The following PODNL1 variants were observed in gnomAD, a reference collection of about 807,000 sequenced individuals.
PODNL1 encodes podocan like 1, also known as podocan-like protein 1.
PODNL1 carries 50 observed loss-of-function variants against 45.1 expected under a neutral mutation model. That is an observed-to-expected ratio of 1.11 (90% CI 0.88 to 1.40). The LOEUF (loss-of-function observed/expected upper bound fraction) is 1.40, where lower values mean the gene tolerates loss of function less well. PODNL1 is among the 40% of genes most tolerant of loss of function. PODNL1 has a pLI of 0.00. For missense variants in PODNL1, 788 were observed against 793.3 expected (o/e 0.99, Z 0.08); for synonymous variants, 406 against 372.5 (o/e 1.09, Z -1.04).
rs1432459708 is a variant in PODNL1, at chr19:13,936,397, T to G, written c.289A>C (p.Asn97His). 1.9e-6 allele frequency: 3 copies of G among 1,613,342 alleles called. No homozygotes were observed. In the African/African-American group the frequency reaches 4.0e-5, roughly 22 times the overall value. Residue 97 changes from asparagine to histidine, a missense_variant, in exon 3 of 10, where the codon AAC (asparagine) becomes CAC (histidine). Transcript: ENST00000588872. ...GAGGAGATGAGGTTGTTGTGGAGGT[T>G]GAGGGTTCGCAGGCCACTGAGGCGG... ...LSRLSGLRTL[N>H]LHNNLISSEG... is the part of the protein sequence containing the mutation.
chr19:13,935,467 C>T (rs1972279749), intron 5 of PODNL1, among the ~76,000 whole-genome samples: 1 of 152,134 alleles, frequency 6.6e-6, no homozygotes, highest in African/African-American at 2.4e-5. Context: ...GCGGGGATTA[C>T]AGGCGCACAC....
At chr19:13,944,461 C>T (rs1972753970) in intron 1 of PODNL1, among the ~76,000 whole-genome samples, 1 of 149,542 alleles carries the variant, frequency 6.7e-6, no homozygotes, top group African/African-American at 2.5e-5. Context: ...CCACACCTGG[C>T]CCTATTTGTT....
chr19:13,953,115 G>T (rs367921705), intron 1 of PODNL1: 4 of 1,550,402 alleles, frequency 2.6e-6, no homozygotes, highest in Non-Finnish European at 3.5e-6. Flanking sequence ...GGGAGTTCCA[G>T]TACCTGGGTG....
intron 1 of PODNL1, chr19:13,952,522 A>G (rs961356001): frequency 4.0e-6 from 5 of 1,250,322 alleles, no homozygotes; most frequent in Non-Finnish European, 1.0e-6. Flanking sequence ...AATGGCGCCC[A>G]GCTCGAAATC....
intron 1 of PODNL1, among the ~76,000 whole-genome samples, chr19:13,951,823 C>A (rs376530843): frequency 2.0e-5 from 3 of 152,194 alleles, no homozygotes; most frequent in East Asian, 3.9e-4. Flanking sequence ...ACGGAGCGGA[C>A]CTTCAACAAT....
In PODNL1 at chr19:13,933,597, G is replaced by A. The variant is rs1039212999; in HGVS notation, c.768-142C>T. ...GGGAGTGATGCGTGGAGAGAGCTGG[G>A]TGGGAGGTAAACTTGGGGTGCCCAG... On this transcript the variant is annotated intron_variant, in intron 7 of 9. Coordinates refer to ENST00000588872, the MANE Select transcript of PODNL1 (RefSeq NM_001370095.3). This position sits in a 1 kb window ranked among gnomAD's most constrained non-coding sequence, Gnocchi z 5.2. The A allele has an allele frequency of 4.0e-6, 4 of 1,001,862 alleles. No individual in the cohort carries two copies. In the African/African-American group the frequency reaches 6.5e-5, roughly 16 times the overall value. 62.1% of individuals were successfully genotyped at this position (1,001,862 alleles called of 1,614,324 possible). A position where few individuals can be genotyped will look rare whatever the true frequency, so the allele number is the denominator to read the frequency against.
At chr19:13,948,656 T>G (rs1599452386) in intron 1 of PODNL1, among the ~76,000 whole-genome samples, 1 of 140,782 alleles carries the variant, frequency 7.1e-6, no homozygotes, top group Non-Finnish European at 1.5e-5. Flanking sequence ...CCTGGCCGGG[T>G]GTGGTGGCTC....
rs367662482 is a variant in PODNL1, at chr19:13,934,400, G to T, written c.505C>A (p.Leu169Ile). Residue 169 changes from leucine (L) to isoleucine (I), a missense_variant, in exon 6 of 10, where the codon CTC becomes ATC. Leu to Ile is a conservative substitution (Grantham distance 5). Transcript: ENST00000588872. ...GEKPALRSVYLHNNQLSNAGL... is the reference protein window; with the variant it reads ...GEKPALRSVYIHNNQLSNAGL... ...GCGTTGCTCAGCTGGTTGTTGTGGA[G>T]GTACACGGACCTGAGGAGAGCCAGG... 16 of 1,540,114 alleles carry T rather than the reference G, an allele frequency of 1.0e-5. No homozygotes were observed. In the African/African-American group the frequency reaches 1.8e-4, roughly 17 times the overall value.
At position 13,931,413 on chromosome 19, in the gene PODNL1, C is replaced by G; in HGVS notation, c.*324G>C. On this transcript the variant is annotated 3_prime_UTR_variant, in exon 10 of 10. Transcript: ENST00000588872. ...CAGAGCCTCAGTTTCCCCAGCTGGACTGGTTGTGGGGAGGAGTCCGTGGAC... is the reference window on the plus strand; with the variant it reads ...CAGAGCCTCAGTTTCCCCAGCTGGAGTGGTTGTGGGGAGGAGTCCGTGGAC... 7.2e-6 allele frequency: 2 copies of G among 276,658 alleles called. No individual in the cohort carries two copies. Among genetic ancestry groups the G allele is most frequent in the East Asian group, 6.1e-5 (1 of 16,308 alleles). 17.1% of individuals were successfully genotyped at this position (276,658 alleles called of 1,614,324 possible).
At chr19:13,952,263 T>C (rs572563627) in intron 1 of PODNL1, among the ~76,000 whole-genome samples, 1 of 152,350 alleles carries the variant, frequency 6.6e-6, no homozygotes, top group Admixed American at 6.5e-5. Flanking sequence ...CAAAGTTATC[T>C]GGGCAGGGCG....
rs776833225 is a variant in PODNL1, at chr19:13,933,327, C to A, written c.896G>T (p.Arg299Leu). 2.9e-5 allele frequency: 47 copies of A among 1,601,346 alleles called. No homozygotes were observed. The highest frequency in any genetic ancestry group is 3.7e-5 in the Non-Finnish European group (43 of 1,177,462). ...GCGCAGACCACGCGCCCCGTGCAGC[C>A]GAGCCGCCTCCACCTGCCGGATGCG... ...RNRIRQVEAA[R>L]LHGARGLRYL... The change falls in exon 8 of 10, where the codon CGG becomes CTG. Residue 299 changes from arginine (R) to leucine (L), a missense_variant. Around this residue, in one of 3 missense-constraint regions of PODNL1, gnomAD observed 762 missense variants for 750.9 expected, o/e 1.01. Transcript: ENST00000588872. The surrounding 1 kb of genome is among the most constrained non-coding windows in gnomAD (Gnocchi z 5.2).
Position 13,933,018 on chromosome 19 carries a change from G to T in PODNL1, c.1205C>A (p.Ala402Asp), listed in dbSNP as rs1479401588. 1.3e-6 allele frequency: 2 copies of T among 1,539,688 alleles called. No homozygotes were observed. The highest frequency in any genetic ancestry group is 2.4e-5 in the South Asian group (2 of 84,346). Residue 402 changes from alanine to aspartate, a missense_variant, in exon 8 of 10, where the codon GCC becomes GAC. Transcript: ENST00000588872. The surrounding 1 kb of genome is among the most constrained non-coding windows in gnomAD (Gnocchi z 5.2). ...CCCTGCCAGGTCGAGGCTGCGCAGG[G>T]CACGCAACCGGCGGAAGGCCCGGTG... ...VHHRAFRRLR[A>D]LRSLDLAGNQ...
intron 3 of PODNL1, 30 bp downstream of exon 3, chr19:13,936,337 C>A (rs1382742393): frequency 6.3e-7 from 1 of 1,580,326 alleles, no homozygotes; most frequent in Admixed American, 1.7e-5. Context: ...CCTACAGCCC[C>A]AGAGAGGCCG....
At chr19:13,947,007 C>T (rs1213744691) in intron 1 of PODNL1, among the ~76,000 whole-genome samples, 1 of 144,042 alleles carries the variant, frequency 6.9e-6, no homozygotes, top group Non-Finnish European at 1.5e-5. Context: ...GCTATGATCA[C>T]ACCACTGCAC....
Position 13,932,028 on chromosome 19 carries a change from G to A in PODNL1, c.1510C>T (p.Arg504Cys), listed in dbSNP as rs1971977603. ...GCCTCGGGGCCCACGTGGCCGATGCGGTTGCCCTCGAGGTGCAGCTCCTCT... is the reference window on the plus strand; with the variant it reads ...GCCTCGGGGCCCACGTGGCCGATGCAGTTGCCCTCGAGGTGCAGCTCCTCT... ...ALEELHLEGN[R>C]IGHVGPEAFL... The change falls in exon 9 of 10, where the codon CGC (arginine) becomes TGC (cysteine). Residue 504 changes from arginine to cysteine, a missense_variant. By Grantham distance (180) the Arg-to-Cys change is radical (BLOSUM62 -3). Coordinates refer to ENST00000588872, the MANE Select transcript of PODNL1 (RefSeq NM_001370095.3). 4.9e-6 allele frequency: 6 copies of A among 1,232,200 alleles called. No individual in the cohort carries two copies. The highest frequency in any genetic ancestry group is 4.1e-5 in the South Asian group (1 of 24,324). The allele number at this position is 1,232,200 out of a possible 1,614,324, so 76.3% of individuals were successfully genotyped here.
intron 1 of PODNL1, among the ~76,000 whole-genome samples, chr19:13,952,333 C>A (rs948804859): frequency 6.6e-6 from 1 of 152,184 alleles, no homozygotes; most frequent in Non-Finnish European, 1.5e-5. Context: ...GGCAACGGGC[C>A]GCGGGGGCTG....
At chr19:13,938,879 C>G (rs1363742165), upstream of PODNL1, among the ~76,000 whole-genome samples, 1 of 152,158 alleles carries the variant, frequency 6.6e-6, no homozygotes, top group Non-Finnish European at 1.5e-5. Context: ...GCTGTGCCAC[C>G]TCTCAGGGCC....
intron 1 of PODNL1, chr19:13,952,367 T>C: frequency 2.7e-6 from 3 of 1,109,420 alleles, no homozygotes; most frequent in Non-Finnish European, 3.4e-6. Context: ...CAATCAAGAG[T>C]CGAGATGGCT....
chr19:13,938,995 C>G (rs1190779091), upstream of PODNL1, among the ~76,000 whole-genome samples: 2 of 152,114 alleles, frequency 1.3e-5, no homozygotes, highest in African/African-American at 4.8e-5. Flanking sequence ...TGGCATATCC[C>G]AGGGCTTTGG....
Sources: allele counts gnomAD v4.1 joint callset (sites outside exome capture counted in the v4.1 genomes callset), GRCh38; gene constraint gnomAD v4.1.1; regional missense constraint gnomAD v4.1.1; non-coding constraint Gnocchi (gnomAD v3.1); transcripts MANE v1.5; gene names NCBI Gene and HGNC (gene_info 2026-07-23, HGNC 2026-07-21).